SAMMSON: variants seen among roughly 807,000 people sequenced by gnomAD.
SAMMSON encodes the protein survival associated mitochondrial melanoma specific oncogenic non-coding RNA, also known as long intergenic non-protein coding RNA 1212.
chr3:70,052,247 T>A (rs1274603989), intron 3 of SAMMSON, among the ~76,000 whole-genome samples: 1 of 152,114 alleles, frequency 6.6e-6, no homozygotes, highest in Non-Finnish European at 1.5e-5. Flanking sequence ...GTCCCCAGAA[T>A]AATCACAGTC....
chr3:70,245,738 C>T (rs1162670426), intron 4 of SAMMSON, among the ~76,000 whole-genome samples: 1 of 124,960 alleles, frequency 8.0e-6, no homozygotes, highest in Non-Finnish European at 1.6e-5. Flanking sequence ...CAAAATAAAG[C>T]TCCCTGAGTT....
chr3:70,311,995 G>A (rs1406253284), intron 7 of SAMMSON: 1 of 397,334 alleles, frequency 2.5e-6, no homozygotes, highest in Non-Finnish European at 4.4e-6. Context: ...CAGAATTTGT[G>A]ATATAAAAAA....
At chr3:70,231,860 T>C (rs1262326756) in intron 4 of SAMMSON, among the ~76,000 whole-genome samples, 5 of 152,166 alleles carry the variant, frequency 3.3e-5, no homozygotes, top group African/African-American at 1.2e-4. Context: ...TAAACAGGCC[T>C]GCTGTGATGT....
intron 4 of SAMMSON, among the ~76,000 whole-genome samples, chr3:70,130,632 G>A (rs2067479147): frequency 6.6e-6 from 1 of 151,954 alleles, no homozygotes; most frequent in African/African-American, 2.4e-5. Context: ...ACTCCCTCTT[G>A]GGATGCACAC....
At chr3:70,028,795 G>A (rs1341965963) in intron 3 of SAMMSON, among the ~76,000 whole-genome samples, 1 of 152,162 alleles carries the variant, frequency 6.6e-6, no homozygotes, top group Non-Finnish European at 1.5e-5. Context: ...TGTTTTTCTA[G>A]TGGTAAAAAT....
intron 9 of SAMMSON, among the ~76,000 whole-genome samples, chr3:70,367,178 C>A (rs1702929147): frequency 6.6e-6 from 1 of 151,560 alleles, no homozygotes; most frequent in South Asian, 2.1e-4. Context: ...GAACACAAAT[C>A]TTTTCTTCCA....
intron 9 of SAMMSON, among the ~76,000 whole-genome samples, chr3:70,382,298 G>A (rs1404478416): frequency 2.0e-5 from 3 of 151,968 alleles, no homozygotes; most frequent in African/African-American, 7.2e-5. Context: ...ATTCTTAACA[G>A]TATCTTTTGA....
At chr3:70,242,908 G>A (rs990727033) in intron 4 of SAMMSON, among the ~76,000 whole-genome samples, 4 of 152,116 alleles carry the variant, frequency 2.6e-5, no homozygotes, top group Non-Finnish European at 4.4e-5. Context: ...TGGCAGGGGT[G>A]TCTAGGCAGG....
intron 4 of SAMMSON, among the ~76,000 whole-genome samples, chr3:70,100,533 G>GAAAAAAAA (rs143471172): frequency 0.26 from 39,538 of 149,298 alleles, 6,389 homozygotes; most frequent in African/African-American, 0.43. Flanking sequence ...GGGGGGGGGG[G>GAAAAAAAA]AAGCACCAAA....
chr3:70,065,672 A>G (rs1475241452), intron 3 of SAMMSON, among the ~76,000 whole-genome samples: 1 of 152,100 alleles, frequency 6.6e-6, no homozygotes, highest in Non-Finnish European at 1.5e-5. Flanking sequence ...TGGTTGTCAC[A>G]TCTGGGGGAG....
intron 3 of SAMMSON, among the ~76,000 whole-genome samples, chr3:70,025,957 G>A (rs2067035680): frequency 6.6e-6 from 1 of 152,098 alleles, no homozygotes. Context: ...AGGAGGAAGA[G>A]GAGGGGTTGG....
At chr3:70,251,908 G>A (rs189641925) in intron 6 of SAMMSON, among the ~76,000 whole-genome samples, 2 of 152,152 alleles carry the variant, frequency 1.3e-5, no homozygotes, top group Admixed American at 6.5e-5. Context: ...GGGATGTCTT[G>A]TTACACTGTA....
At chr3:70,006,303 A>C (rs535139741) in intron 1 of SAMMSON, among the ~76,000 whole-genome samples, 6 of 152,192 alleles carry the variant, frequency 3.9e-5, no homozygotes, top group Non-Finnish European at 7.3e-5. Flanking sequence ...TCAGACTCTT[A>C]TTTTAAATAG....
chr3:70,145,352 G>A (rs966795365), intron 4 of SAMMSON, among the ~76,000 whole-genome samples: 7 of 152,022 alleles, frequency 4.6e-5, no homozygotes, highest in African/African-American at 1.7e-4. Context: ...CAACCAACTG[G>A]AATCAAATTG....
intron 4 of SAMMSON, among the ~76,000 whole-genome samples, chr3:70,081,643 G>C (rs938176138): frequency 6.6e-6 from 1 of 152,202 alleles, no homozygotes; most frequent in Non-Finnish European, 1.5e-5. Context: ...CATAGTATGG[G>C]CTCAGTATAT....
intron 4 of SAMMSON, among the ~76,000 whole-genome samples, chr3:70,085,096 GTGGCA>G (rs1383808630): frequency 2.0e-5 from 3 of 152,196 alleles, no homozygotes; most frequent in Non-Finnish European, 2.9e-5. Flanking sequence ...ATATTAGGAA[GTGGCA>G]TGGCTTCAGA....
chr3:70,408,198 G>A (rs983724168), intron 2 of SAMMSON, among the ~76,000 whole-genome samples: 2 of 152,236 alleles, frequency 1.3e-5, no homozygotes, highest in Non-Finnish European at 2.9e-5. Flanking sequence ...GTGGGCCAGC[G>A]ATGGGAGGCG....
chr3:70,336,814 T>TTG (rs71126494), intron 7 of SAMMSON, among the ~76,000 whole-genome samples: 11,336 of 126,490 alleles, frequency 0.09, 458 homozygotes, highest in South Asian at 0.21. Context: ...AATAGAAAGT[T>TTG]TGTGTGTGTG....
intron 4 of SAMMSON, among the ~76,000 whole-genome samples, chr3:70,192,327 C>G (rs375068179): frequency 6.6e-6 from 1 of 152,158 alleles, no homozygotes; most frequent in Non-Finnish European, 1.5e-5. Context: ...TGCTTCCCAC[C>G]CTTTGAATCA....
Sources: gnomAD v4.1 joint callset for allele counts (sites outside exome capture counted in the v4.1 genomes callset) on GRCh38, gnomAD v4.1.1 for gene constraint, MANE v1.5 for transcripts, NCBI Gene and HGNC (gene_info 2026-07-23, HGNC 2026-07-21) for gene names.